ASPM: variants seen among roughly 807,000 people sequenced by gnomAD.
ASPM encodes abnormal spindle-like microcephaly-associated protein.
Under a neutral mutation model 366.4 loss-of-function variants are expected in ASPM, and 256 were observed. That is an observed-to-expected ratio of 0.70 (90% CI 0.63 to 0.77). ASPM has a LOEUF of 0.77. Among genes scored for constraint, ASPM ranks in the 30% least tolerant of loss-of-function variants. The pLI is 0.00. For synonymous variants in ASPM, 1,414 were observed against 1,342.9 expected, an observed-to-expected ratio of 1.05 and a Z score of -1.16; for missense variants, 4,146 against 4,090.4, an observed-to-expected ratio of 1.01 and a Z score of -0.37.
rs1163303148 is a variant in ASPM at position 197,092,026 on chromosome 1, GA to G, written c.9324del (p.Leu3109PhefsTer11). 30 of 1,611,796 alleles carry G rather than the reference GA, an allele frequency of 1.9e-5. No individual in the cohort carries two copies. Among genetic ancestry groups the G allele is most frequent in the Non-Finnish European group, 2.4e-5 (28 of 1,178,674 alleles). On this transcript the variant is annotated frameshift_variant, in exon 22 of 28. Coordinates refer to ENST00000367409, the MANE Select transcript of ASPM (RefSeq NM_018136.5). LOFTEE classifies it high-confidence loss of function. ...RFLEQRAKIR[L>X]LHFTAAAYYH... ...TAATATGCAGCTGCAGTGAAGTGAA[GA>G]AGTCGAATTTTGGCTCTCTGTTCTA...
intron 18 of ASPM, among the ~76,000 whole-genome samples, chr1:197,097,221 T>C (rs182562220): frequency 2.0e-5 from 3 of 151,904 alleles, no homozygotes; most frequent in Admixed American, 1.3e-4. Flanking sequence ...AGACAGATAA[T>C]CTCAAGTTGT....
chr1:197,089,855 G>A (rs1571587937), intron 25 of ASPM, 75 bp downstream of exon 25: 1 of 1,425,564 alleles, frequency 7.0e-7, no homozygotes, highest in Non-Finnish European at 9.9e-7. Context: ...CCCTAGTGAT[G>A]AGTAAACCCA....
chr1:197,093,388 CA>C, intron 20 of ASPM, 127 bp from the exon 21 acceptor site: 1 of 831,636 alleles, frequency 1.2e-6, no homozygotes, highest in Non-Finnish European at 2.0e-6. Flanking sequence ...TGCCATGTTT[CA>C]TAGATATGAA....
chr1:197,108,972 A>C (rs942017512), intron 17 of ASPM, among the ~76,000 whole-genome samples: 881 of 65,564 alleles, frequency 0.013, no homozygotes, highest in African/African-American at 0.033. Flanking sequence ...CCCTGTCTCC[A>C]AAAAAAAAAA....
Position 197,146,182 on chromosome 1 carries a change from C to T in ASPM, c.256G>A (p.Asp86Asn). The change falls in exon 1 of 28, where the codon GAC (aspartate) becomes AAC (asparagine). Residue 86 changes from aspartate (D) to asparagine (N), a missense_variant. Physicochemically the swap from Asp to Asn is conservative, Grantham distance 23. Coordinates refer to ENST00000367409, the MANE Select transcript of ASPM (RefSeq NM_018136.5). ...CGCTGCGACACACTGAAGCCCAGGT[C>T]CGCGGCCGGGAAGTGGGAGATCTTC... ...EVKISHFPAADLGFSVSQRCF... is the reference protein window; with the variant it reads ...EVKISHFPAANLGFSVSQRCF... The T allele has an allele frequency of 6.2e-7, 1 of 1,613,916 alleles. No homozygotes were observed. Among genetic ancestry groups the T allele is most frequent in the South Asian group, 1.1e-5 (1 of 91,068 alleles).
In ASPM at chr1:197,101,714, G is replaced by C. The variant is rs1055629019; in HGVS notation, c.7537C>G (p.His2513Asp). The C allele has an allele frequency of 1.9e-6, 3 of 1,611,868 alleles. No homozygotes were observed. Among genetic ancestry groups the C allele is most frequent in the Middle Eastern group, 1.6e-4 (1 of 6,074 alleles). The change falls in exon 18 of 28, where the codon CAT becomes GAT. Residue 2513 changes from histidine to aspartate, a missense_variant. Physicochemically the swap from His to Asp is moderately conservative, Grantham distance 81 (BLOSUM62 -1). This residue lies in a region of ASPM where 3,624 missense variants were observed against 3,591.7 expected (regional missense o/e 1.01). Transcript: ENST00000367409. ...WKHASILIQQ[H>D]YRTYRAAKLQ... ...TTTGCAGCTCTATATGTTCGATAATGTTGCTGAATTAGAATTGAAGCATGT... is the reference window on the plus strand; with the variant it reads ...TTTGCAGCTCTATATGTTCGATAATCTTGCTGAATTAGAATTGAAGCATGT...
chr1:197,128,646 A>G lies in ASPM; in HGVS notation c.2780T>C (p.Leu927Ser), dbSNP rs1409327391. ...ACTTAGGAAATCTCGTGAAAAAGCCAAAAGGATTTCTTTACTAGCCTATAA... is the reference window on the plus strand; with the variant it reads ...ACTTAGGAAATCTCGTGAAAAAGCCGAAAGGATTTCTTTACTAGCCTATAA... ...AEFKASKEIL[L>S]AFSRDFLSGE... Residue 927 changes from leucine (L) to serine (S), a missense_variant, in exon 10 of 28, where the codon TTG (leucine) becomes TCG (serine). Leu to Ser is a moderately radical substitution (Grantham distance 145, BLOSUM62 -2). Coordinates refer to ENST00000367409, the MANE Select transcript of ASPM (RefSeq NM_018136.5). 3 of 1,613,214 alleles carry G rather than the reference A, an allele frequency of 1.9e-6. No individual in the cohort carries two copies. Among genetic ancestry groups the G allele is most frequent in the South Asian group, 2.2e-5 (2 of 91,050 alleles).
At chr1:197,113,669 T>C (rs927995579) in intron 17 of ASPM, among the ~76,000 whole-genome samples, 1 of 152,094 alleles carries the variant, frequency 6.6e-6, no homozygotes, top group East Asian at 1.9e-4. Context: ...ACAAGAAATT[T>C]CATTAGTAAG....
chr1:197,102,501 A>G lies in ASPM; in HGVS notation c.6750T>C (p.Phe2250=). The change falls in exon 18 of 28, where the codon TTT becomes TTC. Residue 2250 remains phenylalanine (F), a synonymous_variant. Transcript: ENST00000367409. The part of the protein sequence containing the change: ...RHSVIYIQAI[F]RGKKARRHLK... ...AATGTCTTCTAGCTTTCTTTCCCCT[A>G]AAAATAGCCTGAATGTATATTACAG... 6.2e-7 allele frequency: 1 copy of G among 1,612,692 alleles called. No homozygotes were observed. Among genetic ancestry groups the G allele is most frequent in the Non-Finnish European group, 8.5e-7 (1 of 1,179,272 alleles).
chr1:197,091,088 T>C, intron 22 of ASPM, 47 bp from the exon 23 acceptor site: 1 of 1,417,280 alleles, frequency 7.1e-7, no homozygotes, highest in African/African-American at 1.4e-5. Context: ...TTCAGGTTTT[T>C]TTAAAAAAAT....
At position 197,100,548 on chromosome 1, in the gene ASPM, A is replaced by T; in HGVS notation, c.8703T>A (p.His2901Gln). The T allele has an allele frequency of 6.2e-7, 1 of 1,611,682 alleles. No individual in the cohort carries two copies. Among genetic ancestry groups the T allele is most frequent in the African/African-American group, 1.3e-5 (1 of 74,866 alleles). The stretch of plus-strand genomic sequence containing the variant: ...TGATCTGTAAATAGACTTGTCTTTG[A>T]TGTTTTGCAGACAGAAATGCTCTGT... ...NHYRAFLSAKHQRQVYLQIRS... is the reference protein window; with the variant it reads ...NHYRAFLSAKQQRQVYLQIRS... The change falls in exon 18 of 28, where the codon CAT becomes CAA. Residue 2901 changes from histidine (H) to glutamine (Q), a missense_variant. Transcript: ENST00000367409.
Position 197,112,206 on chromosome 1 carries a change from C to T in ASPM, c.4065+5583G>A, listed in dbSNP as rs1657607190. ...AGAAAGAATGAAATCACGTCCTTTG[C>T]AGGGACATGGATGGAGCTGGAGGCC... On this transcript the variant is annotated intron_variant, in intron 17 of 27. Coordinates refer to ENST00000367409, the MANE Select transcript of ASPM (RefSeq NM_018136.5). Among the ~76,000 whole-genome samples the T allele has an allele frequency of 1.3e-5, 2 of 152,114 alleles. 1 individual carries two copies. The highest frequency in any genetic ancestry group is 4.1e-4 in the South Asian group (2 of 4,826).
In ASPM at chr1:197,089,552, C is replaced by T. The variant is rs112201819; in HGVS notation, c.9984+378G>A. 3.9e-5 allele frequency among the ~76,000 whole-genome samples: 6 copies of T among 151,902 alleles called. 1 individual carries two copies. Among genetic ancestry groups the T allele is most frequent in the African/African-American group, 1.4e-4 (6 of 41,474 alleles). The stretch of plus-strand genomic sequence containing the variant: ...ACACTCAGGTTCTTACAGGAGGAAC[C>T]TAATTTCTATAATTATTATTATTTT... On this transcript the variant is annotated intron_variant, in intron 25 of 27. Transcript: ENST00000367409.
chr1:197,120,950 C>G (rs1454683623), intron 16 of ASPM, among the ~76,000 whole-genome samples: 2 of 152,054 alleles, frequency 1.3e-5, no homozygotes, highest in African/African-American at 4.8e-5. Context: ...ATTTCCAAGT[C>G]TGGTGTGAAA....
At chr1:197,089,250 C>T (rs10801587) in intron 25 of ASPM, among the ~76,000 whole-genome samples, 130,915 of 151,962 alleles carry the variant, frequency 0.86, 56,992 homozygotes, top group East Asian at 1. Flanking sequence ...TTGGGTAAAG[C>T]GCTTTAAGTT....
At chr1:197,089,511 A>C (rs1236503107) in intron 25 of ASPM, among the ~76,000 whole-genome samples, 1 of 152,040 alleles carries the variant, frequency 6.6e-6, no homozygotes, top group Non-Finnish European at 1.5e-5. Context: ...ATCCAAATTC[A>C]ACTCTACCAC....
chr1:197,102,394 T>C lies in ASPM; in HGVS notation c.6857A>G (p.Lys2286Arg), dbSNP rs1657222332. The change falls in exon 18 of 28, where the codon AAG (lysine) becomes AGG (arginine). Residue 2286 changes from lysine (K) to arginine (R), a missense_variant. Around this residue, in one of 3 missense-constraint regions of ASPM, gnomAD observed 3,624 missense variants for 3,591.7 expected, o/e 1.01. Coordinates refer to ENST00000367409, the MANE Select transcript of ASPM (RefSeq NM_018136.5). Reference sequence around the variant, plus strand: ...TCTCTGAATCAAAATAGCAGTTTTCTTGAGAGAGAGGAATCTTCTTCTCAT... The same window carrying C: ...TCTCTGAATCAAAATAGCAGTTTTCCTGAGAGAGAGGAATCTTCTTCTCAT... ...LMMRRRFLSL[K>R]KTAILIQRKY... 6.2e-7 allele frequency: 1 copy of C among 1,612,808 alleles called. No individual in the cohort carries two copies. Among genetic ancestry groups the C allele is most frequent in the Non-Finnish European group, 8.5e-7 (1 of 1,179,266 alleles).
intron 3 of ASPM, 79 bp downstream of exon 3, chr1:197,142,252 T>G: frequency 6.9e-7 from 1 of 1,444,808 alleles, no homozygotes; most frequent in Non-Finnish European, 9.7e-7. Context: ...TACAAGCTTA[T>G]CAATAGCAGA....
chr1:197,122,981 A>G (rs1657967089), intron 13 of ASPM, among the ~76,000 whole-genome samples: 1 of 152,192 alleles, frequency 6.6e-6, no homozygotes, highest in South Asian at 2.1e-4. Flanking sequence ...GGAGAAATAT[A>G]AGGTTAGTGT....
Sources: allele counts gnomAD v4.1 joint callset (sites outside exome capture counted in the v4.1 genomes callset), GRCh38; gene constraint gnomAD v4.1.1; regional missense constraint gnomAD v4.1.1; transcripts MANE v1.5; gene names NCBI Gene and HGNC (gene_info 2026-07-23, HGNC 2026-07-21).